Variants in PBRM1 observed in about 807,000 individuals in gnomAD.
PBRM1 encodes the protein polybromo 1.
Under a neutral mutation model 194.5 loss-of-function variants are expected in PBRM1, and 27 were observed. That is an observed-to-expected ratio of 0.14 (90% CI 0.10 to 0.19). The LOEUF is 0.19. Ranked by LOEUF, PBRM1 falls within the 10% of genes least tolerant of loss-of-function variation. The pLI is 1.00. For synonymous variants in PBRM1, 655 were observed against 693.2 expected (o/e 0.94, Z 0.87); for missense variants, 1,466 against 2,077.2 (o/e 0.71, Z 5.72).
chr3:52,578,270 T>C (rs1162576027), intron 21 of PBRM1, among the ~76,000 whole-genome samples: 3 of 152,220 alleles, frequency 2.0e-5, no homozygotes, highest in African/African-American at 4.8e-5. Flanking sequence ...ACTTTACTTA[T>C]TCAAGATGTT....
intron 22 of PBRM1, 140 bp from the exon 25 acceptor site, chr3:52,564,373 G>A: frequency 1.5e-6 from 1 of 666,274 alleles, no homozygotes. Context: ...AGGCATGGTG[G>A]CTCAAGCCTG....
intron 2 of PBRM1, among the ~76,000 whole-genome samples, chr3:52,672,412 T>TG (rs1337772571): frequency 6.6e-6 from 1 of 152,064 alleles, no homozygotes; most frequent in Admixed American, 6.6e-5. Context: ...TGGAAATATT[T>TG]GGGCACCAGT....
intron 13 of PBRM1, among the ~76,000 whole-genome samples, chr3:52,620,302 G>A (rs1560441298): frequency 6.6e-6 from 1 of 152,170 alleles, no homozygotes; most frequent in African/African-American, 2.4e-5. Flanking sequence ...ATTAGATCTC[G>A]CATGTGGGGT....
At chr3:52,672,169 T>C (rs962059352) in intron 2 of PBRM1, among the ~76,000 whole-genome samples, 3 of 152,208 alleles carry the variant, frequency 2.0e-5, no homozygotes, top group Non-Finnish European at 4.4e-5. Context: ...AGAGCTCACC[T>C]GCATCCCTTG....
At chr3:52,612,940 T>C (rs978569366) in intron 15 of PBRM1, among the ~76,000 whole-genome samples, 1 of 151,720 alleles carries the variant, frequency 6.6e-6, no homozygotes, top group African/African-American at 2.4e-5. Flanking sequence ...ATAATCAAAT[T>C]TATTATATAG....
chr3:52,630,649 C>T (rs886523893), intron 11 of PBRM1, among the ~76,000 whole-genome samples: 2 of 152,180 alleles, frequency 1.3e-5, no homozygotes, highest in Non-Finnish European at 2.9e-5. Flanking sequence ...TCACAATCCG[C>T]GGAAGGCAGC....
At chr3:52,578,750 G>T (rs1045420305) in intron 21 of PBRM1, among the ~76,000 whole-genome samples, 2 of 152,222 alleles carry the variant, frequency 1.3e-5, no homozygotes, top group African/African-American at 4.8e-5. Flanking sequence ...AACCCATTCT[G>T]CAGTGGACAG....
At chr3:52,589,217 G>A (rs1228455931) in exon 18 of PBRM1, 3 of 1,569,898 alleles carry the variant, frequency 1.9e-6, no homozygotes, top group Non-Finnish European at 2.6e-6. Context: ...AAGCCTGAGA[G>A]GCCTGCAGCA....
At chr3:52,685,269 T>C (rs1403972632) in intron 1 of PBRM1, among the ~76,000 whole-genome samples, 4 of 152,152 alleles carry the variant, frequency 2.6e-5, no homozygotes, top group African/African-American at 9.7e-5. Context: ...TTTGTGGTGT[T>C]GAGAAGCTGA....
intron 3 of PBRM1, among the ~76,000 whole-genome samples, chr3:52,666,106 A>G (rs1385844223): frequency 1.3e-5 from 2 of 152,242 alleles, no homozygotes; most frequent in African/African-American, 2.4e-5. Flanking sequence ...AGAGAAAAAA[A>G]TAACAAAATG....
rs547519039 is a variant in PBRM1 at position 52,657,848 on chromosome 3, C to T, written c.645+351G>A. ...TGTTGCCCAGGCTGGAGTGCAATGGCGCAATCTTGGCTCACCCACTGCAAC... is the reference window on the plus strand; with the variant it reads ...TGTTGCCCAGGCTGGAGTGCAATGGTGCAATCTTGGCTCACCCACTGCAAC... On this transcript the variant is annotated intron_variant, in intron 5 of 29. Coordinates refer to ENST00000296302, the Ensembl canonical transcript of PBRM1. 1.5e-4 allele frequency among the ~76,000 whole-genome samples: 22 copies of T among 149,634 alleles called. No homozygotes were observed. The East Asian group carries it at 4.2e-3, about 28-fold the overall frequency.
At chr3:52,678,228 T>C (rs1310622831) in intron 2 of PBRM1, among the ~76,000 whole-genome samples, 2 of 152,104 alleles carry the variant, frequency 1.3e-5, no homozygotes, top group Non-Finnish European at 2.9e-5. Flanking sequence ...TAGTCTCCCA[T>C]GTAGCTGGGA....
At chr3:52,642,402 G>A (rs1344065167) in intron 9 of PBRM1, among the ~76,000 whole-genome samples, 1 of 151,972 alleles carries the variant, frequency 6.6e-6, no homozygotes, top group Non-Finnish European at 1.5e-5. Context: ...AACACCTGAG[G>A]TCAGGAGTTT....
In PBRM1 at chr3:52,678,443, T is replaced by C. The variant is rs6796577; in HGVS notation, c.236+57A>G. The C allele has an allele frequency of 9.2e-3, 10,249 of 1,120,030 alleles. 623 individuals are homozygous for C. The African/African-American group carries it at 0.13, about 14-fold the overall frequency. The allele number at this position is 1,120,030 out of a possible 1,614,324, so 69.4% of individuals were successfully genotyped here. On this transcript the variant is annotated intron_variant, in intron 2 of 29. Transcript: ENST00000296302. ...AAAGCTCAATTTCCAAACACTTTAATACACATGGACTCTGGACCAAATCCC... is the reference window on the plus strand; with the variant it reads ...AAAGCTCAATTTCCAAACACTTTAACACACATGGACTCTGGACCAAATCCC...
At chr3:52,625,516 T>C (rs941520026) in intron 13 of PBRM1, among the ~76,000 whole-genome samples, 15 of 152,264 alleles carry the variant, frequency 9.9e-5, no homozygotes, top group Admixed American at 9.2e-4. Context: ...GGAAACCTGT[T>C]TGTAAAGAGA....
chr3:52,577,839 C>T (rs1331464531), intron 21 of PBRM1, among the ~76,000 whole-genome samples: 2 of 152,202 alleles, frequency 1.3e-5, no homozygotes, highest in Non-Finnish European at 2.9e-5. Context: ...AACCAATAGG[C>T]AGAGCAATCC....
intron 10 of PBRM1, among the ~76,000 whole-genome samples, chr3:52,636,757 CAAAAAAAAA>C (rs567776784): frequency 1.2e-3 from 23 of 18,680 alleles, no homozygotes; most frequent in East Asian, 0.012. Context: ...ACTCTGTCTC[CAAAAAAAAA>C]AAAAAAAAAA....
intron 16 of PBRM1, among the ~76,000 whole-genome samples, chr3:52,604,695 TAA>T (rs762706555): frequency 7.0e-6 from 1 of 143,580 alleles, no homozygotes. Flanking sequence ...CCCTGTCTGT[TAA>T]AAAAAAAAAA....
chr3:52,556,818 C>T (rs148654960), intron 26 of PBRM1, among the ~76,000 whole-genome samples: 85 of 152,264 alleles, frequency 5.6e-4, no homozygotes, highest in African/African-American at 1.9e-3. Context: ...AGAAGTCTAG[C>T]CAGCACACCC....
Sources: allele counts gnomAD v4.1 joint callset (sites outside exome capture counted in the v4.1 genomes callset), GRCh38; gene constraint gnomAD v4.1.1; transcripts MANE v1.5; gene names NCBI Gene and HGNC (gene_info 2026-07-23, HGNC 2026-07-21).